The following KIRREL1 variants were observed in gnomAD, a reference collection of about 807,000 sequenced individuals.
The protein encoded by KIRREL1 is kirre like nephrin family adhesion molecule 1.
KIRREL1 carries 25 observed loss-of-function variants against 83.3 expected under a neutral mutation model. The ratio of observed to expected loss-of-function variants is 0.30; its 90% CI spans 0.22 to 0.42. The LOEUF (loss-of-function observed/expected upper bound fraction) is 0.42. KIRREL1 is among the 10% of genes least tolerant of loss of function. KIRREL1 has a pLI of 1.00. For missense variants in KIRREL1, 812 were observed against 1,032.3 expected (o/e 0.79, Z 2.92); for synonymous variants, 388 against 410.4 (o/e 0.95, Z 0.66).
At chr1:158,012,385 T>C (rs1659712469) in intron 1 of KIRREL1, among the ~76,000 whole-genome samples, 2 of 152,198 alleles carry the variant, frequency 1.3e-5, no homozygotes, top group African/African-American at 4.8e-5. Context: ...CTTGTGCAAG[T>C]CACTTCACCT....
At chr1:158,005,308 G>T (rs1048291766) in intron 1 of KIRREL1, among the ~76,000 whole-genome samples, 4 of 152,188 alleles carry the variant, frequency 2.6e-5, no homozygotes, top group Non-Finnish European at 4.4e-5. Flanking sequence ...TGGGAGCATT[G>T]ATATGTTTGT....
At chr1:157,995,189 C>T (rs1030121485) in intron 1 of KIRREL1, among the ~76,000 whole-genome samples, 2 of 152,180 alleles carry the variant, frequency 1.3e-5, no homozygotes, top group Admixed American at 6.5e-5. Flanking sequence ...CTCTCCTTGT[C>T]GGGTCTCTTC....
chr1:158,069,337 T>C lies in KIRREL1; in HGVS notation c.53-6776T>C, dbSNP rs796354805. Among the ~76,000 whole-genome samples the C allele has an allele frequency of 3.3e-5, 5 of 151,010 alleles. No individual in the cohort carries two copies. In the East Asian group the frequency reaches 7.8e-4, roughly 23 times the overall value. ...GTGTGTGTGTGTGTGTGTGTGTGTG[T>C]GTGTGTGAATCTAAGCATTTCCAGC... On this transcript the variant is annotated intron_variant, in intron 1 of 14. Coordinates refer to ENST00000359209, the MANE Select transcript of KIRREL1 (RefSeq NM_018240.7).
chr1:158,030,353 T>C (rs1364710741), intron 1 of KIRREL1, among the ~76,000 whole-genome samples: 1 of 152,256 alleles, frequency 6.6e-6, no homozygotes, highest in African/African-American at 2.4e-5. Flanking sequence ...TTTAGATGGT[T>C]TCTCAAACAC....
chr1:158,093,265 C>CT, intron 11 of KIRREL1, 74 bp from the exon 12 acceptor site: 1 of 1,294,990 alleles, frequency 7.7e-7, no homozygotes, highest in Non-Finnish European at 1.1e-6. Flanking sequence ...GTGGCCTAGC[C>CT]TTTAGCCAGC....
intron 1 of KIRREL1, among the ~76,000 whole-genome samples, chr1:158,047,741 A>T (rs1254827391): frequency 6.6e-6 from 1 of 151,980 alleles, no homozygotes; most frequent in Non-Finnish European, 1.5e-5. Flanking sequence ...TGGGGCCAGA[A>T]CCCGGTTCAT....
rs1662282535 is a variant in KIRREL1 at position 158,094,050 on chromosome 1, G to C, written c.1720-263G>C. ...TCTGGTCCATCTGCCTCATTGCTGA[G>C]ATGAGGAAACAGCCCTGGAGAGGGG... On this transcript the variant is annotated intron_variant, in intron 13 of 14. Transcript: ENST00000359209. This position sits in a 1 kb window ranked among gnomAD's most constrained non-coding sequence, Gnocchi z 4.6. Among the ~76,000 whole-genome samples, 1 of 152,248 alleles carries C rather than the reference G, an allele frequency of 6.6e-6. No individual in the cohort carries two copies. Among genetic ancestry groups the C allele is most frequent in the Non-Finnish European group, 1.5e-5 (1 of 68,050 alleles).
At chr1:158,019,879 G>A (rs982598537) in intron 1 of KIRREL1, among the ~76,000 whole-genome samples, 22 of 152,068 alleles carry the variant, frequency 1.4e-4, no homozygotes, top group Admixed American at 3.3e-4. Flanking sequence ...CCCCGACCCC[G>A]GTAAAGAAAG....
chr1:158,018,916 G>A (rs1387566774), intron 1 of KIRREL1, among the ~76,000 whole-genome samples: 1 of 152,182 alleles, frequency 6.6e-6, no homozygotes, highest in African/African-American at 2.4e-5. Context: ...ATTAGGAGGA[G>A]AAATTTGCTT....
At chr1:158,042,605 G>A (rs1660658861) in intron 1 of KIRREL1, among the ~76,000 whole-genome samples, 1 of 152,200 alleles carries the variant, frequency 6.6e-6, no homozygotes, top group Middle Eastern at 3.4e-3. Flanking sequence ...CCAGGCACTG[G>A]TCTATGTACT....
chr1:158,087,654 G>C, intron 5 of KIRREL1, 101 bp from the exon 6 acceptor site: 7 of 762,860 alleles, frequency 9.2e-6, no homozygotes, highest in Non-Finnish European at 1.5e-5. Flanking sequence ...CAAATTCCTA[G>C]ATCCCCGCCA....
intron 1 of KIRREL1, among the ~76,000 whole-genome samples, chr1:158,047,047 A>G (rs961555166): frequency 6.6e-5 from 10 of 152,206 alleles, no homozygotes; most frequent in Non-Finnish European, 1.3e-4. Context: ...GGGATATGTC[A>G]TAACTCTCCT....
chr1:158,087,959 A>G (rs1263807466), intron 6 of KIRREL1, 47 bp from the exon 7 acceptor site: 2 of 1,612,274 alleles, frequency 1.2e-6, no homozygotes, highest in Admixed American at 3.3e-5. Context: ...GATGTAGTTG[A>G]GAGGGTCTGA....
chr1:158,009,048 G>A (rs1659598780), intron 1 of KIRREL1, among the ~76,000 whole-genome samples: 1 of 152,170 alleles, frequency 6.6e-6, no homozygotes, highest in African/African-American at 2.4e-5. Context: ...CCGTCCAGAT[G>A]ATGAATTGAG....
In KIRREL1 at chr1:158,089,716, A is replaced by T; in HGVS notation, c.1172-2A>T. 6.2e-7 allele frequency: 1 copy of T among 1,614,116 alleles called. No individual in the cohort carries two copies. Among genetic ancestry groups the T allele is most frequent in the Non-Finnish European group, 8.5e-7 (1 of 1,180,008 alleles). The stretch of plus-strand genomic sequence containing the variant: ...TTCTGACTTGTGTCTTCTTGCTTGC[A>T]GGGCCCCCCATCATCTCCAGTGAGG... On this transcript the variant is annotated splice_acceptor_variant, in intron 9 of 14. Coordinates refer to ENST00000359209, the MANE Select transcript of KIRREL1 (RefSeq NM_018240.7). LOFTEE classifies it high-confidence loss of function.
intron 1 of KIRREL1, among the ~76,000 whole-genome samples, chr1:158,070,827 C>A (rs533362533): frequency 6.6e-6 from 1 of 152,234 alleles, no homozygotes; most frequent in South Asian, 2.1e-4. Context: ...AAGCACAGAG[C>A]TGCCACGCCA....
intron 1 of KIRREL1, among the ~76,000 whole-genome samples, chr1:157,996,913 T>C (rs1483618793): frequency 6.6e-6 from 1 of 152,124 alleles, no homozygotes; most frequent in East Asian, 1.9e-4. Flanking sequence ...GGAGGAGGCA[T>C]CCAGGCCTTC....
chr1:158,088,220 T>A, intron 7 of KIRREL1, 66 bp downstream of exon 7: 1 of 1,609,668 alleles, frequency 6.2e-7, no homozygotes, highest in Non-Finnish European at 8.5e-7. Context: ...TTGGACAGAG[T>A]CGGGGACTGC....
At chr1:158,090,105 G>A (rs1319890978) in intron 10 of KIRREL1, among the ~76,000 whole-genome samples, 1 of 152,130 alleles carries the variant, frequency 6.6e-6, no homozygotes, top group Non-Finnish European at 1.5e-5. Context: ...AGAAGTCATG[G>A]CAGCAACAGG....
Sources: allele counts gnomAD v4.1 joint callset (sites outside exome capture counted in the v4.1 genomes callset), GRCh38; gene constraint gnomAD v4.1.1; non-coding constraint Gnocchi (gnomAD v3.1); transcripts MANE v1.5; gene names NCBI Gene and HGNC (gene_info 2026-07-23, HGNC 2026-07-21).